The following STXBP5 variants were observed in gnomAD, a reference collection of about 807,000 sequenced individuals.
The protein encoded by STXBP5 is syntaxin-binding protein 5.
In STXBP5, 50 loss-of-function variants were observed where a neutral mutation model predicts 152.4. That is an observed-to-expected ratio of 0.33 (90% CI 0.26 to 0.42). STXBP5 has a LOEUF of 0.42. Among genes scored for constraint, STXBP5 ranks in the 10% least tolerant of loss-of-function variants. The probability of loss-of-function intolerance (pLI) is 1.00; values close to 1 mark genes in which losing one functional copy is unlikely to be tolerated. For missense variants in STXBP5, 1,167 were observed against 1,388.6 expected (o/e 0.84, Z 2.54); for synonymous variants, 492 against 494.7 (o/e 0.99, Z 0.07).
Position 147,386,876 on chromosome 6 carries a change from G to T in STXBP5, c.*2121G>T, listed in dbSNP as rs1786365165. ...CATATTAGCTGCAATTATTTAATTT[G>T]CTGTGTTATTTTGTGTTATATAACA... On this transcript the variant is annotated 3_prime_UTR_variant, in exon 28 of 28. Transcript: ENST00000321680. 2 of 151,542 alleles carry T rather than the reference G, an allele frequency of 1.3e-5. No individual in the cohort carries two copies. Among genetic ancestry groups the T allele is most frequent in the African/African-American group, 2.4e-5 (1 of 41,368 alleles). The allele number at this position is 151,542 out of a possible 1,614,324, so 9.4% of individuals were successfully genotyped here.
At chr6:147,290,451 G>A (rs933932985) in intron 8 of STXBP5, among the ~76,000 whole-genome samples, 6 of 152,096 alleles carry the variant, frequency 3.9e-5, no homozygotes, top group African/African-American at 1.4e-4. Flanking sequence ...GTTAATCTCT[G>A]AAATATGGGA....
Position 147,359,334 on chromosome 6 carries a change from C to A in STXBP5, c.2545+11C>A. On this transcript the variant is annotated intron_variant, in intron 23 of 27. Transcript: ENST00000321680. ...TTGTGTCTCCAAGTGGTATGTATTGCTGCTGCACTTAGAGTTACATTACAG... is the reference window on the plus strand; with the variant it reads ...TTGTGTCTCCAAGTGGTATGTATTGATGCTGCACTTAGAGTTACATTACAG... 6.2e-7 allele frequency: 1 copy of A among 1,606,268 alleles called. No individual in the cohort carries two copies. The highest frequency in any genetic ancestry group is 8.5e-7 in the Non-Finnish European group (1 of 1,174,028).
At chr6:147,371,664 C>T (rs1409149957) in intron 25 of STXBP5, among the ~76,000 whole-genome samples, 1 of 152,104 alleles carries the variant, frequency 6.6e-6, no homozygotes, top group Non-Finnish European at 1.5e-5. Context: ...AAAGTTTATA[C>T]TCATTCTACT....
At chr6:147,264,302 T>G (rs543192788) in intron 6 of STXBP5, among the ~76,000 whole-genome samples, 4 of 152,078 alleles carry the variant, frequency 2.6e-5, no homozygotes, top group Non-Finnish European at 5.9e-5. Flanking sequence ...TTAGATAGGT[T>G]AGACTTATGA....
At chr6:147,314,487 A>AT (rs1340183338) in intron 13 of STXBP5, 109 bp from the exon 14 acceptor site, 88 of 1,358,060 alleles carry the variant, frequency 6.5e-5, no homozygotes, top group Middle Eastern at 2.1e-4. Flanking sequence ...GTTTACCCTG[A>AT]TTTTTTTTAC....
intron 18 of STXBP5, among the ~76,000 whole-genome samples, chr6:147,333,179 C>A (rs919762386): frequency 6.6e-6 from 1 of 152,116 alleles, no homozygotes; most frequent in Non-Finnish European, 1.5e-5. Context: ...TCTGTAAAAA[C>A]CAGGTTTTCT....
intron 8 of STXBP5, among the ~76,000 whole-genome samples, chr6:147,288,952 C>T (rs963159237): frequency 3.3e-5 from 5 of 152,142 alleles, no homozygotes; most frequent in Admixed American, 1.3e-4. Flanking sequence ...TAGGTGAACA[C>T]GTGCAGTGTG....
intron 4 of STXBP5, among the ~76,000 whole-genome samples, chr6:147,243,477 A>G (rs1778650859): frequency 3.3e-5 from 5 of 152,056 alleles, no homozygotes; most frequent in Admixed American, 2.0e-4. Context: ...TGTTTTGGGT[A>G]CCTTTATCAG....
chr6:147,224,306 A>T (rs1327739454), intron 2 of STXBP5, among the ~76,000 whole-genome samples: 1 of 152,164 alleles, frequency 6.6e-6, no homozygotes, highest in Non-Finnish European at 1.5e-5. Context: ...CATGCCTGTA[A>T]TCCCAGCTAC....
chr6:147,340,828 T>G (rs532698417), intron 21 of STXBP5, among the ~76,000 whole-genome samples: 21 of 152,142 alleles, frequency 1.4e-4, no homozygotes, highest in Non-Finnish European at 2.8e-4. Flanking sequence ...AAGACTACAT[T>G]AGAAAATTTA....
At chr6:147,274,715 CTACAT>C (rs1238279560) in intron 7 of STXBP5, among the ~76,000 whole-genome samples, 1 of 151,900 alleles carries the variant, frequency 6.6e-6, no homozygotes, top group African/African-American at 2.4e-5. Context: ...AAATGAAAGT[CTACAT>C]TACACATTTT....
At chr6:147,302,532 C>T (rs1781872299) in intron 9 of STXBP5, among the ~76,000 whole-genome samples, 1 of 152,034 alleles carries the variant, frequency 6.6e-6, no homozygotes, top group Non-Finnish European at 1.5e-5. Flanking sequence ...GAAAGAAAAA[C>T]AAGGCCAGGC....
At chr6:147,310,271 T>C (rs1430773269) in intron 10 of STXBP5, 33 bp downstream of exon 10, 3 of 1,414,298 alleles carry the variant, frequency 2.1e-6, no homozygotes, top group Non-Finnish European at 2.8e-6. Flanking sequence ...TCATTCTCTA[T>C]AGAGAGCTGA....
intron 2 of STXBP5, among the ~76,000 whole-genome samples, chr6:147,216,766 C>T (rs565333111): frequency 2.0e-5 from 3 of 152,206 alleles, no homozygotes; most frequent in East Asian, 3.9e-4. Flanking sequence ...ATGATTTTAA[C>T]GTGAGCATTC....
chr6:147,325,100 G>GT lies in STXBP5; in HGVS notation c.1928+23dup. The GT allele has an allele frequency of 2.0e-6, 3 of 1,480,352 alleles. No individual in the cohort carries two copies. The highest frequency in any genetic ancestry group is 2.8e-5 in the South Asian group (2 of 70,518). 91.7% of individuals were successfully genotyped at this position (1,480,352 alleles called of 1,614,324 possible). On this transcript the variant is annotated intron_variant, in intron 17 of 27. Transcript: ENST00000321680. ...CCTATGGACTGTAAGTATAAGTTAC[G>GT]TTTTTTTCTAAGTCTCTTCATAGTA...
intron 4 of STXBP5, among the ~76,000 whole-genome samples, chr6:147,254,142 A>G (rs1367312526): frequency 6.6e-6 from 1 of 152,128 alleles, no homozygotes; most frequent in African/African-American, 2.4e-5. Context: ...CAACCCACAC[A>G]TCTACAATCA....
At chr6:147,379,225 A>G (rs989984504) in intron 26 of STXBP5, among the ~76,000 whole-genome samples, 13 of 152,088 alleles carry the variant, frequency 8.5e-5, no homozygotes, top group African/African-American at 3.1e-4. Context: ...TCCTTTTCCT[A>G]TATAAGGTGA....
chr6:147,214,143 C>CAATTA (rs1362015584), intron 2 of STXBP5, among the ~76,000 whole-genome samples: 3 of 152,090 alleles, frequency 2.0e-5, no homozygotes, highest in Non-Finnish European at 4.4e-5. Flanking sequence ...CTATACAATA[C>CAATTA]AATTATTTTG....
chr6:147,226,160 AG>A (rs906068661), intron 2 of STXBP5, among the ~76,000 whole-genome samples: 19 of 152,142 alleles, frequency 1.2e-4, no homozygotes, highest in African/African-American at 4.6e-4. Flanking sequence ...CAAAAAAGCC[AG>A]GGGTAGTGGC....
Sources: gnomAD v4.1 joint callset for allele counts (sites outside exome capture counted in the v4.1 genomes callset) on GRCh38, gnomAD v4.1.1 for gene constraint, MANE v1.5 for transcripts, NCBI Gene and HGNC (gene_info 2026-07-23, HGNC 2026-07-21) for gene names.